CAB39L: variants seen among roughly 807,000 people sequenced by gnomAD.
CAB39L encodes calcium binding protein 39 like.
A neutral mutation model predicts 39.1 loss-of-function variants in CAB39L; 23 were observed. That is an observed-to-expected ratio of 0.59 (90% CI 0.42 to 0.83). The LOEUF (loss-of-function observed/expected upper bound fraction) is 0.83. CAB39L is among the 40% of genes least tolerant of loss of function. The probability of loss-of-function intolerance (pLI) is 0.00; values close to 1 mark genes in which losing one functional copy is unlikely to be tolerated. For synonymous variants in CAB39L, 126 were observed against 137.2 expected (o/e 0.92, Z 0.57); for missense variants, 366 against 391.9 (o/e 0.93, Z 0.56).
intron 3 of CAB39L, among the ~76,000 whole-genome samples, chr13:49,424,968 G>A (rs975380598): frequency 2.6e-5 from 4 of 151,990 alleles, no homozygotes; most frequent in Middle Eastern, 3.2e-3. Flanking sequence ...ATAAAGCTAC[G>A]ATTGACAAAA....
intron 6 of CAB39L, among the ~76,000 whole-genome samples, chr13:49,358,420 A>G (rs1955541706): frequency 6.6e-6 from 1 of 152,234 alleles, no homozygotes. Context: ...ATCTTGTCAA[A>G]GATACTGCTT....
At chr13:49,379,766 ATAT>A (rs1429523886) in intron 4 of CAB39L, among the ~76,000 whole-genome samples, 1 of 151,716 alleles carries the variant, frequency 6.6e-6, no homozygotes, top group Non-Finnish European at 1.5e-5. Context: ...ATTTTGGAAA[ATAT>A]TATAAGTATT....
chr13:49,403,842 A>G lies in CAB39L; in HGVS notation c.-31-20901T>C, dbSNP rs1266288325. On this transcript the variant is annotated intron_variant, in intron 3 of 10. Transcript: ENST00000409308. ...CCAAATGAGATGAATAGCAGACTGC[A>G]CACCGCAGAAGAAATGATTAGTAAA... is the stretch of plus-strand genomic sequence containing the variant. Among the ~76,000 whole-genome samples the G allele has an allele frequency of 2.6e-5, 4 of 152,216 alleles. No homozygotes were observed. In the East Asian group the frequency reaches 7.7e-4, roughly 29 times the overall value.
At chr13:49,382,124 G>T (rs768076865) in intron 4 of CAB39L, among the ~76,000 whole-genome samples, 1 of 150,792 alleles carries the variant, frequency 6.6e-6, no homozygotes, top group Non-Finnish European at 1.5e-5. Context: ...GTGTAAAAAG[G>T]TTTTTTTTTC....
At chr13:49,428,078 C>T (rs1957269759) in intron 3 of CAB39L, among the ~76,000 whole-genome samples, 1 of 152,230 alleles carries the variant, frequency 6.6e-6, no homozygotes, top group African/African-American at 2.4e-5. Context: ...CATCAATCAA[C>T]CTCTAGTGCC....
chr13:49,382,796 T>C lies in CAB39L; in HGVS notation c.111+4A>G. 6.4e-7 allele frequency: 1 copy of C among 1,567,886 alleles called. No homozygotes were observed. Among genetic ancestry groups the C allele is most frequent in the South Asian group, 1.1e-5 (1 of 89,338 alleles). On this transcript the variant is annotated splice_donor_region_variant and intron_variant, in intron 4 of 10. Coordinates refer to ENST00000409308, the MANE Select transcript of CAB39L (RefSeq NM_001079670.3). ...AATCATAATGTTACTGTTTTAGCTC[T>C]TACCTTGTCTGTCTTTTTGTCTTGC...
intron 3 of CAB39L, among the ~76,000 whole-genome samples, chr13:49,386,842 CA>C (rs1956373282): frequency 6.6e-6 from 1 of 151,740 alleles, no homozygotes; most frequent in Non-Finnish European, 1.5e-5. Flanking sequence ...CCCCCACTCC[CA>C]GACTAAACAC....
chr13:49,427,045 C>T (rs889340365), intron 3 of CAB39L, among the ~76,000 whole-genome samples: 4 of 152,144 alleles, frequency 2.6e-5, no homozygotes, highest in African/African-American at 9.7e-5. Flanking sequence ...CTTTAGCATA[C>T]TTGCTCCTGT....
chr13:49,436,289 C>G (rs1957411827), intron 1 of CAB39L, among the ~76,000 whole-genome samples: 1 of 152,184 alleles, frequency 6.6e-6, no homozygotes, highest in South Asian at 2.1e-4. Context: ...TGAGCCTTTT[C>G]AACATGTAGA....
intron 3 of CAB39L, among the ~76,000 whole-genome samples, chr13:49,432,145 T>G (rs1382377733): frequency 1.3e-5 from 2 of 152,204 alleles, no homozygotes; most frequent in Non-Finnish European, 2.9e-5. Flanking sequence ...CATATTAAAC[T>G]ATGTACATAT....
At chr13:49,355,113 T>C (rs1182457194) in intron 6 of CAB39L, among the ~76,000 whole-genome samples, 6 of 151,896 alleles carry the variant, frequency 4.0e-5, no homozygotes, top group East Asian at 3.9e-4. Flanking sequence ...TAGTGGCTCA[T>C]GCATATAATC....
chr13:49,314,798 A>G (rs1954107994), intron 10 of CAB39L, among the ~76,000 whole-genome samples: 1 of 152,182 alleles, frequency 6.6e-6, no homozygotes, highest in South Asian at 2.1e-4. Flanking sequence ...AAAAATGGGG[A>G]TGATAACAGT....
chr13:49,412,693 T>G (rs1957012475), intron 3 of CAB39L, among the ~76,000 whole-genome samples: 1 of 152,114 alleles, frequency 6.6e-6, no homozygotes, highest in Non-Finnish European at 1.5e-5. Flanking sequence ...AAAGCCATTC[T>G]TCCACGGACC....
At chr13:49,367,150 A>AC (rs1434620393) in intron 5 of CAB39L, among the ~76,000 whole-genome samples, 2 of 152,160 alleles carry the variant, frequency 1.3e-5, no homozygotes, top group Admixed American at 6.5e-5. Context: ...ACATAGCAAG[A>AC]CCCCATCTCT....
At chr13:49,391,356 G>A (rs959001565) in intron 3 of CAB39L, among the ~76,000 whole-genome samples, 12 of 152,196 alleles carry the variant, frequency 7.9e-5, no homozygotes, top group Non-Finnish European at 1.8e-4. Context: ...ACAGAAAAAT[G>A]AGAAAACAGT....
At chr13:49,439,336 G>T (rs1414445122) in intron 1 of CAB39L, among the ~76,000 whole-genome samples, 1 of 152,158 alleles carries the variant, frequency 6.6e-6, no homozygotes, top group Non-Finnish European at 1.5e-5. Context: ...TACATGTGCA[G>T]ATTTGTTACA....
chr13:49,434,797 C>A (rs980929522), intron 1 of CAB39L, among the ~76,000 whole-genome samples: 2 of 152,050 alleles, frequency 1.3e-5, no homozygotes, highest in South Asian at 2.1e-4. Flanking sequence ...TATATCCCAC[C>A]AAGAAAGTAC....
At chr13:49,354,249 G>A (rs1955431261) in intron 6 of CAB39L, among the ~76,000 whole-genome samples, 1 of 152,164 alleles carries the variant, frequency 6.6e-6, no homozygotes, top group Non-Finnish European at 1.5e-5. Flanking sequence ...CCAGCAGTTT[G>A]ACATCTGTCA....
chr13:49,322,552 G>A (rs1954378453), intron 10 of CAB39L, among the ~76,000 whole-genome samples: 1 of 152,144 alleles, frequency 6.6e-6, no homozygotes, highest in African/African-American at 2.4e-5. Context: ...AAACCCAATA[G>A]CTCATTTTAA....
Sources: gnomAD v4.1 joint callset for allele counts (sites outside exome capture counted in the v4.1 genomes callset) on GRCh38, gnomAD v4.1.1 for gene constraint, MANE v1.5 for transcripts, NCBI Gene and HGNC (gene_info 2026-07-23, HGNC 2026-07-21) for gene names.